H3-3B: variants seen among roughly 807,000 people sequenced by gnomAD.
H3-3B encodes the protein H3.3 histone B, also known as histone H3.3.
H3-3B carries 2 observed loss-of-function variants against 13.1 expected under a neutral mutation model. The ratio of observed to expected loss-of-function variants is 0.15; its 90% CI spans 0.06 to 0.48. The LOEUF (loss-of-function observed/expected upper bound fraction) is 0.48. Ranked by LOEUF, H3-3B falls within the 20% of genes least tolerant of loss-of-function variation. H3-3B has a pLI of 0.97. For synonymous variants in H3-3B, 133 were observed against 75.8 expected (o/e 1.76, Z -3.92); for missense variants, 39 against 186.0 (o/e 0.21, Z 4.60).
In H3-3B at chr17:75,778,428, C is replaced by G. The variant is rs1368975062; in HGVS notation, c.*167G>C. On this transcript the variant is annotated 3_prime_UTR_variant, in exon 4 of 4. Transcript: ENST00000254810. ...CACTCCTGAGCAACAGTGCTCACAT[C>G]ACTGAGGTCTGTGAACAGTCACTTT... 1 of 906,476 alleles carries G rather than the reference C, an allele frequency of 1.1e-6. No homozygotes were observed. Among genetic ancestry groups the G allele is most frequent in the African/African-American group, 1.7e-5 (1 of 59,356 alleles). The allele number at this position is 906,476 out of a possible 1,614,324, so 56.2% of individuals were successfully genotyped here.
Position 75,778,813 on chromosome 17 carries a change from C to T in H3-3B, c.279G>A (p.Leu93=), listed in dbSNP as rs2143630472. 1 of 1,614,186 alleles carries T rather than the reference C, an allele frequency of 6.2e-7. No homozygotes were observed. Among genetic ancestry groups the T allele is most frequent in the East Asian group, 2.2e-5 (1 of 44,886 alleles). ...CGGCTCCAGGCCTTTGTCTTACCTG[C>T]AGCGCACCGATGGCTGCGCTCTGAA... ...LRFQSAAIGA[L]QEASEAYLVG... is the part of the protein sequence containing the mutation. The change falls in exon 3 of 4, where the codon CTG becomes CTA. Residue 93 remains leucine, a synonymous_variant. Coordinates refer to ENST00000254810, the MANE Select transcript of H3-3B (RefSeq NM_005324.5).
Position 75,777,435 on chromosome 17 carries a change from T to C in H3-3B, c.*1160A>G, listed in dbSNP as rs1029787598. On this transcript the variant is annotated 3_prime_UTR_variant, in exon 4 of 4. Transcript: ENST00000254810. ...TGGGACATGTGAAAACTTAGTACAT[T>C]CAATTTAGGTTTTGGACACTTAGTT... 1 of 152,656 alleles carries C rather than the reference T, an allele frequency of 6.6e-6. No homozygotes were observed. Among genetic ancestry groups the C allele is most frequent in the Non-Finnish European group, 1.5e-5 (1 of 68,030 alleles). 9.5% of individuals were successfully genotyped at this position (152,656 alleles called of 1,614,324 possible).
At chr17:75,779,581 G>T in intron 1 of H3-3B, 76 bp downstream of exon 1, 1 of 156,654 alleles carries the variant, frequency 6.4e-6, no homozygotes. Context: ...CCCGCCGCTC[G>T]GCTCCCAACG....
At chr17:75,779,438 C>A in intron 1 of H3-3B, 1 of 318,760 alleles carries the variant, frequency 3.1e-6, no homozygotes, top group East Asian at 4.9e-5. Flanking sequence ...GGCGGAGGCC[C>A]GACTGCCCGG....
chr17:75,778,517 T>A lies in H3-3B; in HGVS notation c.*78A>T, dbSNP rs1190043220. ...ACAAATGCAACATATTATAAACAAT[T>A]TCTTACAAAAAAAGTCACAAATTAA... On this transcript the variant is annotated 3_prime_UTR_variant, in exon 4 of 4. Coordinates refer to ENST00000254810, the MANE Select transcript of H3-3B (RefSeq NM_005324.5). 12 of 1,539,256 alleles carry A rather than the reference T, an allele frequency of 7.8e-6. No individual in the cohort carries two copies. Among genetic ancestry groups the A allele is most frequent in the African/African-American group, 1.4e-5 (1 of 72,302 alleles).
rs1567785576 is a variant in H3-3B, at chr17:75,778,981, GGAGT to G, written c.129-22_129-19del. 6.2e-7 allele frequency: 1 copy of G among 1,613,946 alleles called. No individual in the cohort carries two copies. Among genetic ancestry groups the G allele is most frequent in the South Asian group, 1.1e-5 (1 of 91,072 alleles). The stretch of plus-strand genomic sequence containing the variant: ...TCCCGGGCCTGCAGCGAGCAGGGGA[GGAGT>G]GAGCGGACGCTGCCGCACAAAGCCG... On this transcript the variant is annotated intron_variant, in intron 2 of 3. Coordinates refer to ENST00000254810, the MANE Select transcript of H3-3B (RefSeq NM_005324.5).
chr17:75,779,188 A>C lies in H3-3B; in HGVS notation c.-10-4T>G. ...GGTTCGGGCCATTTTCTTTCACCTA[A>C]GAAAGACGCCCCGAAGATAAGGCCG... On this transcript the variant is annotated splice_region_variant and splice_polypyrimidine_tract_variant and intron_variant, in intron 1 of 3. Transcript: ENST00000254810. The C allele has an allele frequency of 6.7e-7, 1 of 1,493,818 alleles. No individual in the cohort carries two copies. The highest frequency in any genetic ancestry group is 8.9e-7 in the Non-Finnish European group (1 of 1,123,338). 92.5% of individuals were successfully genotyped at this position (1,493,818 alleles called of 1,614,324 possible).
At chr17:75,779,021 G>A (rs759159728) in intron 2 of H3-3B, 26 bp downstream of exon 2, 9 of 1,611,636 alleles carry the variant, frequency 5.6e-6, no homozygotes, top group Admixed American at 3.3e-5. Flanking sequence ...GCCACCGCCG[G>A]GCCATTGTTC....
rs567176982 is a variant in H3-3B at position 75,777,428 on chromosome 17, A to G, written c.*1167T>C. 3 of 152,804 alleles carry G rather than the reference A, an allele frequency of 2.0e-5. No homozygotes were observed. Among genetic ancestry groups the G allele is most frequent in the Non-Finnish European group, 4.4e-5 (3 of 68,028 alleles). The allele number at this position is 152,804 out of a possible 1,614,324, so 9.5% of individuals were successfully genotyped here. On this transcript the variant is annotated 3_prime_UTR_variant, in exon 4 of 4. Coordinates refer to ENST00000254810, the MANE Select transcript of H3-3B (RefSeq NM_005324.5). ...TAGATAATGGGACATGTGAAAACTT[A>G]GTACATTCAATTTAGGTTTTGGACA...
At chr17:75,779,390 G>C (rs1054089144) in intron 1 of H3-3B, 21 of 420,652 alleles carry the variant, frequency 5.0e-5, no homozygotes, top group Non-Finnish European at 4.4e-5. Context: ...TCCCCCGGGA[G>C]GGGGAGCGCG....
chr17:75,779,396 G>A (rs1186644888), intron 1 of H3-3B: 4 of 409,192 alleles, frequency 9.8e-6, no homozygotes, highest in Admixed American at 4.6e-5. Flanking sequence ...GGGAGGGGGA[G>A]CGCGGGGAGG....
At chr17:75,778,781 C>A in intron 3 of H3-3B, 29 bp downstream of exon 3, 1 of 1,614,144 alleles carries the variant, frequency 6.2e-7, no homozygotes, top group Non-Finnish European at 8.5e-7. Flanking sequence ...ACCGCCCAGC[C>A]CTCCCCCGGC....
intron 1 of H3-3B, chr17:75,779,426 C>A: frequency 3.0e-6 from 1 of 336,886 alleles, no homozygotes; most frequent in East Asian, 4.5e-5. Flanking sequence ...CCTTCCTCGA[C>A]GGGCGGAGGC....
Position 75,779,217 on chromosome 17 carries a change from C to A in H3-3B, c.-10-33G>T, listed in dbSNP as rs1208598388. 4 of 1,455,962 alleles carry A rather than the reference C, an allele frequency of 2.7e-6. No individual in the cohort carries two copies. The Admixed American group carries it at 7.9e-5, about 29-fold the overall frequency. The allele number at this position is 1,455,962 out of a possible 1,614,324, so 90.2% of individuals were successfully genotyped here. A position where few individuals can be genotyped will look rare whatever the true frequency, so the allele number is the denominator to read the frequency against. The stretch of plus-strand genomic sequence containing the variant: ...AGACGCCCCGAAGATAAGGCCGCCG[C>A]GCTCACCCGGGCCGCCCCCCAGGGC... On this transcript the variant is annotated intron_variant, in intron 1 of 3. Coordinates refer to ENST00000254810, the MANE Select transcript of H3-3B (RefSeq NM_005324.5).
chr17:75,778,446 G>C lies in H3-3B; in HGVS notation c.*149C>G, dbSNP rs1283946940. The stretch of plus-strand genomic sequence containing the variant: ...CTCACATCACTGAGGTCTGTGAACA[G>C]TCACTTTTCGCATTCATCCTGAGTG... On this transcript the variant is annotated 3_prime_UTR_variant, in exon 4 of 4. Transcript: ENST00000254810. The C allele has an allele frequency of 3.6e-6, 4 of 1,121,930 alleles. No individual in the cohort carries two copies. Among genetic ancestry groups the C allele is most frequent in the South Asian group, 1.5e-5 (1 of 65,428 alleles). 69.5% of individuals were successfully genotyped at this position (1,121,930 alleles called of 1,614,324 possible).
chr17:75,778,818 C>A lies in H3-3B; in HGVS notation c.274G>T (p.Ala92Ser). The A allele has an allele frequency of 1.2e-6, 2 of 1,614,208 alleles. No individual in the cohort carries two copies. Among genetic ancestry groups the A allele is most frequent in the Non-Finnish European group, 1.7e-6 (2 of 1,180,032 alleles). Residue 92 changes from alanine to serine, a missense_variant, in exon 3 of 4, where the codon GCG becomes TCG. By Grantham distance (99) the Ala-to-Ser change is moderately conservative. Coordinates refer to ENST00000254810, the MANE Select transcript of H3-3B (RefSeq NM_005324.5). Reference sequence around the variant, plus strand: ...CCAGGCCTTTGTCTTACCTGCAGCGCACCGATGGCTGCGCTCTGAAACCTC... The same window carrying A: ...CCAGGCCTTTGTCTTACCTGCAGCGAACCGATGGCTGCGCTCTGAAACCTC... Reference protein sequence around the residue: ...DLRFQSAAIGALQEASEAYLV... With the variant: ...DLRFQSAAIGSLQEASEAYLV...
At chr17:75,779,307 C>T (rs2061654509) in intron 1 of H3-3B, 123 bp from the exon 2 acceptor site, 5 of 1,143,464 alleles carry the variant, frequency 4.4e-6, no homozygotes, top group Middle Eastern at 3.3e-4. Context: ...CCCCACCTCG[C>T]GGCAGCAGAT....
rs764152280 is a variant in H3-3B at position 75,778,982 on chromosome 17, G to A, written c.129-19C>T. 68 of 1,613,800 alleles carry A rather than the reference G, an allele frequency of 4.2e-5. No individual in the cohort carries two copies. The highest frequency in any genetic ancestry group is 5.3e-5 in the Non-Finnish European group (62 of 1,179,970). ...CCCGGGCCTGCAGCGAGCAGGGGAG[G>A]AGTGAGCGGACGCTGCCGCACAAAG... On this transcript the variant is annotated intron_variant, in intron 2 of 3. Transcript: ENST00000254810.
intron 3 of H3-3B, 42 bp from the exon 4 acceptor site, chr17:75,778,765 G>T (rs780930857): frequency 6.2e-7 from 1 of 1,614,134 alleles, no homozygotes; most frequent in South Asian, 1.1e-5. Flanking sequence ...CACTCGGGGA[G>T]CGGAAACCGC....
Sources: gnomAD v4.1 joint callset for allele counts on GRCh38, gnomAD v4.1.1 for gene constraint, MANE v1.5 for transcripts, NCBI Gene and HGNC (gene_info 2026-07-23, HGNC 2026-07-21) for gene names.